The following BRD10 variants were observed in gnomAD, a reference collection of about 807,000 sequenced individuals.
The protein encoded by BRD10 is bromodomain containing 10.
chr9:5,946,941 A>G, the BRD10 span, among the ~76,000 whole-genome samples: 3 of 152,094 alleles, frequency 2.0e-5, no homozygotes, highest in African/African-American at 7.2e-5. Flanking sequence ...AAAGGAAGAG[A>G]TAACACAGTT....
chr9:5,924,356 T>C, the BRD10 span, among the ~76,000 whole-genome samples: 1 of 152,056 alleles, frequency 6.6e-6, no homozygotes, highest in South Asian at 2.1e-4. Flanking sequence ...CAGCTCACTG[T>C]AACCTTAAAT....
the BRD10 span, chr9:5,968,788 T>A: frequency 8.1e-6 from 13 of 1,613,822 alleles, no homozygotes; most frequent in Non-Finnish European, 1.1e-5. Context: ...TATAAATCCG[T>A]ACATCTGCAC....
chr9:5,991,882 T>C, the BRD10 span, among the ~76,000 whole-genome samples: 10 of 152,220 alleles, frequency 6.6e-5, no homozygotes, highest in Non-Finnish European at 1.3e-4. Context: ...TCTGCCATTC[T>C]GACCTTAGCT....
chr9:5,969,585 C>G, the BRD10 span: 1 of 629,926 alleles, frequency 1.6e-6, no homozygotes, highest in Non-Finnish European at 2.6e-6. Flanking sequence ...GCTCTGTCCC[C>G]CAGGCTGTAG....
chr9:5,925,337 C>A, the BRD10 span, among the ~76,000 whole-genome samples: 3 of 138,782 alleles, frequency 2.2e-5, no homozygotes, highest in African/African-American at 5.4e-5. Flanking sequence ...CCAGCCTGGG[C>A]GACAGAGCGA....
the BRD10 span, chr9:5,968,644 A>G: frequency 1.2e-6 from 2 of 1,613,894 alleles, no homozygotes; most frequent in East Asian, 2.2e-5. Flanking sequence ...AGGGCAGGCT[A>G]TCTCTGCTAC....
chr9:5,951,071 CACACA>C, the BRD10 span, among the ~76,000 whole-genome samples: 39 of 147,208 alleles, frequency 2.6e-4, no homozygotes, highest in African/African-American at 6.8e-4. Flanking sequence ...CACACACACA[CACACA>C]CCCCCACCCC....
chr9:5,906,826 T>C, the BRD10 span: 1 of 1,167,106 alleles, frequency 8.6e-7, no homozygotes, highest in Non-Finnish European at 1.2e-6. Context: ...CCTTCTCTTT[T>C]CTTTAATGGA....
the BRD10 span, among the ~76,000 whole-genome samples, chr9:5,972,642 T>G: frequency 6.6e-6 from 1 of 152,196 alleles, no homozygotes; most frequent in Non-Finnish European, 1.5e-5. Flanking sequence ...TCTCACCACG[T>G]GATATGTTGG....
the BRD10 span, among the ~76,000 whole-genome samples, chr9:5,993,548 A>C: frequency 6.6e-6 from 1 of 152,154 alleles, no homozygotes; most frequent in Non-Finnish European, 1.5e-5. Context: ...CACAGCAGAG[A>C]ACTATTTTAC....
chr9:5,900,536 A>G, the BRD10 span, among the ~76,000 whole-genome samples: 1 of 152,062 alleles, frequency 6.6e-6, no homozygotes, highest in South Asian at 2.1e-4. Context: ...CAGTGATTCT[A>G]TTTTCATTTT....
the BRD10 span, chr9:5,922,770 T>C: frequency 5.6e-6 from 9 of 1,613,996 alleles, no homozygotes; most frequent in East Asian, 4.5e-5. Context: ...TGAAGATCTA[T>C]TGGCAACCAC....
At chr9:5,992,437 T>A in the BRD10 span, among the ~76,000 whole-genome samples, 2 of 152,076 alleles carry the variant, frequency 1.3e-5, no homozygotes, top group African/African-American at 4.8e-5. Flanking sequence ...CATTAATCAG[T>A]GAATAAAATA....
At chr9:6,007,543 C>G in the BRD10 span, 24 of 1,613,074 alleles carry the variant, frequency 1.5e-5, 1 homozygote, top group African/African-American at 2.7e-4. Flanking sequence ...GATGCGGTAG[C>G]CCTGCTGTAG....
chr9:5,943,269 T>G, the BRD10 span, among the ~76,000 whole-genome samples: 1 of 152,174 alleles, frequency 6.6e-6, no homozygotes, highest in African/African-American at 2.4e-5. Context: ...CTTGCAGAAG[T>G]CTTTTTCTCC....
chr9:5,903,762 T>A, the BRD10 span, among the ~76,000 whole-genome samples: 2 of 152,246 alleles, frequency 1.3e-5, no homozygotes, highest in South Asian at 2.1e-4. Context: ...TCCCTCTTTA[T>A]CCCTGATAAC....
the BRD10 span, among the ~76,000 whole-genome samples, chr9:5,976,056 G>C: frequency 6.6e-6 from 1 of 152,152 alleles, no homozygotes; most frequent in Non-Finnish European, 1.5e-5. Flanking sequence ...ATTTAGAAAT[G>C]TGAACATGAT....
chr9:5,903,101 GTGT>G, the BRD10 span, among the ~76,000 whole-genome samples: 4,264 of 152,250 alleles, frequency 0.028, 88 homozygotes, highest in South Asian at 0.051. Context: ...ATGTAGAAGT[GTGT>G]TGTTTAATCT....
chr9:6,007,005 C>A, the BRD10 span, among the ~76,000 whole-genome samples: 1 of 152,210 alleles, frequency 6.6e-6, no homozygotes, highest in African/African-American at 2.4e-5. Context: ...ACGCGCAAGC[C>A]GGGTTCGGCC....
Sources: gnomAD v4.1 joint callset for allele counts (sites outside exome capture counted in the v4.1 genomes callset) on GRCh38, gnomAD v4.1.1 for gene constraint, MANE v1.5 for transcripts, NCBI Gene and HGNC (gene_info 2026-07-23, HGNC 2026-07-21) for gene names.